The following ANK3 variants were observed in gnomAD, a reference collection of about 807,000 sequenced individuals.
ANK3 encodes the protein ankyrin 3.
A neutral mutation model predicts 370.9 loss-of-function variants in ANK3; 57 were observed. That is an observed-to-expected ratio of 0.15 (90% CI 0.12 to 0.19). The LOEUF is 0.19. Ranked by LOEUF, ANK3 falls within the 10% of genes least tolerant of loss-of-function variation. The pLI is 1.00. For missense variants in ANK3, 4,439 were observed against 5,302.1 expected (o/e 0.84, Z 5.06); for synonymous variants, 1,929 against 1,946.3 (o/e 0.99, Z 0.23).
chr10:60,269,379 C>T (rs1005407362), intron 5 of ANK3, among the ~76,000 whole-genome samples: 13 of 152,104 alleles, frequency 8.5e-5, no homozygotes, highest in African/African-American at 3.1e-4. Context: ...GGCGTGGTGG[C>T]TCACACTTGT....
At chr10:60,210,923 T>C (rs2096844460) in intron 9 of ANK3, among the ~76,000 whole-genome samples, 1 of 152,074 alleles carries the variant, frequency 6.6e-6, no homozygotes, top group Admixed American at 6.5e-5. Flanking sequence ...CTACCCAATT[T>C]CCATGCTGTA....
At chr10:60,354,080 C>T (rs1429621925) in intron 1 of ANK3, among the ~76,000 whole-genome samples, 1 of 152,200 alleles carries the variant, frequency 6.6e-6, no homozygotes, top group African/African-American at 2.4e-5. Context: ...TCAGTTCCAT[C>T]CCACCTTCTC....
intron 2 of ANK3, among the ~76,000 whole-genome samples, chr10:60,504,215 A>T (rs1177387754): frequency 6.6e-6 from 1 of 152,172 alleles, no homozygotes; most frequent in Non-Finnish European, 1.5e-5. Context: ...CAAAGCTCCA[A>T]ATAGTAGGTC....
chr10:60,275,594 C>A (rs1333653453), intron 4 of ANK3, among the ~76,000 whole-genome samples: 2 of 152,152 alleles, frequency 1.3e-5, no homozygotes, highest in East Asian at 1.9e-4. Flanking sequence ...AATATAAGGT[C>A]ACAGAGGCTC....
At chr10:60,445,330 C>T (rs543197336) in intron 2 of ANK3, among the ~76,000 whole-genome samples, 9 of 151,960 alleles carry the variant, frequency 5.9e-5, no homozygotes, top group African/African-American at 1.9e-4. Flanking sequence ...GCAGAGGTTG[C>T]AGCGAGCCGA....
intron 2 of ANK3, among the ~76,000 whole-genome samples, chr10:60,467,168 G>T (rs1249247311): frequency 6.6e-6 from 1 of 152,100 alleles, no homozygotes; most frequent in Non-Finnish European, 1.5e-5. Context: ...AAATTTATTG[G>T]CTGACTCAAA....
intron 1 of ANK3, among the ~76,000 whole-genome samples, chr10:60,359,121 G>T (rs2058229053): frequency 6.6e-6 from 1 of 152,022 alleles, no homozygotes; most frequent in East Asian, 1.9e-4. Flanking sequence ...CTGTAACCCT[G>T]GTGTGTAAAA....
intron 2 of ANK3, among the ~76,000 whole-genome samples, chr10:60,465,725 A>G (rs796074396): frequency 5.3e-5 from 8 of 152,044 alleles, no homozygotes; most frequent in African/African-American, 1.9e-4. Context: ...AAAACTTGAC[A>G]GAATGCTTTA....
At chr10:60,194,632 G>A (rs1459984564) in intron 16 of ANK3, among the ~76,000 whole-genome samples, 1 of 152,192 alleles carries the variant, frequency 6.6e-6, no homozygotes, top group Non-Finnish European at 1.5e-5. Context: ...TATATGCACA[G>A]TGAGTATATG....
At chr10:60,367,334 G>A (rs973420456) in intron 1 of ANK3, among the ~76,000 whole-genome samples, 1 of 152,126 alleles carries the variant, frequency 6.6e-6, no homozygotes, top group African/African-American at 2.4e-5. Context: ...CTCCAAGTGG[G>A]GGAACAGTTT....
chr10:60,107,771 G>GCA (rs371932498), intron 27 of ANK3, among the ~76,000 whole-genome samples: 5 of 151,180 alleles, frequency 3.3e-5, no homozygotes, highest in Non-Finnish European at 5.9e-5. Context: ...ATGCGCACGC[G>GCA]CACACACACA....
intron 21 of ANK3, among the ~76,000 whole-genome samples, chr10:60,171,473 C>A (rs887575024): frequency 6.6e-6 from 1 of 151,948 alleles, no homozygotes; most frequent in African/African-American, 2.4e-5. Context: ...GGAAGGTGGT[C>A]GAAGAGAAAA....
At chr10:60,286,059 TA>T in intron 1 of ANK3, among the ~76,000 whole-genome samples, 1 of 152,250 alleles carries the variant, frequency 6.6e-6, no homozygotes, top group Non-Finnish European at 1.5e-5. Context: ...ATCATACATT[TA>T]AAAAATACAT....
chr10:60,269,462 G>A (rs1190352901), intron 5 of ANK3, among the ~76,000 whole-genome samples: 1 of 152,028 alleles, frequency 6.6e-6, no homozygotes, highest in Non-Finnish European at 1.5e-5. Context: ...TGGCCAAGAT[G>A]GTGAAACCCT....
At chr10:60,147,774 G>C (rs2094906238) in intron 23 of ANK3, among the ~76,000 whole-genome samples, 1 of 152,150 alleles carries the variant, frequency 6.6e-6, no homozygotes, top group South Asian at 2.1e-4. Flanking sequence ...ATGATTGTAA[G>C]TTTCCTGGGG....
intron 18 of ANK3, among the ~76,000 whole-genome samples, chr10:60,177,589 A>C (rs1458879094): frequency 3.2e-5 from 2 of 63,444 alleles, no homozygotes; most frequent in African/African-American, 4.5e-5. Flanking sequence ...CATGGTCTTC[A>C]AATCTTTTTT....
intron 8 of ANK3, among the ~76,000 whole-genome samples, chr10:60,221,302 C>G (rs555444176): frequency 6.6e-6 from 1 of 152,086 alleles, no homozygotes; most frequent in African/African-American, 2.4e-5. Flanking sequence ...CTGGTCTCGA[C>G]TTCCTGACCT....
intron 2 of ANK3, among the ~76,000 whole-genome samples, chr10:60,569,315 T>A (rs1434120655): frequency 6.6e-6 from 1 of 152,206 alleles, no homozygotes; most frequent in Non-Finnish European, 1.5e-5. Flanking sequence ...ATTGATTATT[T>A]TTATTTTACT....
intron 2 of ANK3, among the ~76,000 whole-genome samples, chr10:60,427,722 G>T (rs1251220367): frequency 6.6e-6 from 1 of 152,082 alleles, no homozygotes; most frequent in African/African-American, 2.4e-5. Context: ...GAAAATATAG[G>T]TGGGTTATTA....
Sources: allele counts gnomAD v4.1 joint callset (sites outside exome capture counted in the v4.1 genomes callset), GRCh38; gene constraint gnomAD v4.1.1; transcripts MANE v1.5; gene names NCBI Gene and HGNC (gene_info 2026-07-23, HGNC 2026-07-21).